EML6: variants seen among roughly 807,000 people sequenced by gnomAD.
EML6 encodes EMAP like 6, also known as echinoderm microtubule-associated protein-like 6.
In EML6, 154 loss-of-function variants were observed where a neutral mutation model predicts 240.1. The observed-to-expected ratio is 0.64, with a 90% CI of 0.56 to 0.73. The LOEUF (loss-of-function observed/expected upper bound fraction) is 0.73. Ranked by LOEUF, EML6 falls within the 30% of genes least tolerant of loss-of-function variation. EML6 has a pLI of 0.00. For missense variants in EML6, 2,964 were observed against 2,474.6 expected (o/e 1.20, Z -4.20); for synonymous variants, 1,148 against 899.0 (o/e 1.28, Z -4.95).
At chr2:54,747,527 T>C (rs768605846) in intron 2 of EML6, 1 of 152,248 alleles carries the variant, frequency 6.6e-6, no homozygotes, top group African/African-American at 2.4e-5. Context: ...CATTAACTTA[T>C]ATATTCTTTG....
At position 54,911,835 on chromosome 2, in the gene EML6, A is replaced by G. The variant is rs555552805; in HGVS notation, c.3498+793A>G. Reference sequence around the variant, plus strand: ...CATGTTTCCTCATGTCCTTAGCTACATACACGATTTTTTAGTTGCTGAAAT... The same window carrying G: ...CATGTTTCCTCATGTCCTTAGCTACGTACACGATTTTTTAGTTGCTGAAAT... On this transcript the variant is annotated intron_variant, in intron 25 of 41. Transcript: ENST00000356458. Among the ~76,000 whole-genome samples the G allele has an allele frequency of 8.0e-4, 122 of 152,344 alleles. 2 individuals carry two copies. The highest frequency in any genetic ancestry group is 2.9e-3 in the African/African-American group (120 of 41,576).
rs144724377 is a variant in EML6 at position 54,913,806 on chromosome 2, C to G, written c.3498+2764C>G. On this transcript the variant is annotated intron_variant, in intron 25 of 41. Transcript: ENST00000356458. ...ATAGTTTGAGGTCTTACATTTAAAT[C>G]TCTAATCCATCTTGAGTTAATTTTT... 2.8e-3 allele frequency among the ~76,000 whole-genome samples: 432 copies of G among 152,292 alleles called. 3 individuals are homozygous for G. The highest frequency in any genetic ancestry group is 9.7e-3 in the African/African-American group (402 of 41,568).
intron 2 of EML6, among the ~76,000 whole-genome samples, chr2:54,750,444 A>G (rs949701539): frequency 6.6e-6 from 1 of 152,182 alleles, no homozygotes. Flanking sequence ...CTTTCAGTTC[A>G]GGGTAACAGA....
intron 5 of EML6, among the ~76,000 whole-genome samples, chr2:54,821,192 G>A (rs1346612747): frequency 6.6e-6 from 1 of 152,062 alleles, no homozygotes; most frequent in African/African-American, 2.4e-5. Context: ...GTACAAAAAT[G>A]GTACATTTCT....
chr2:54,860,123 G>A (rs1670597827), intron 12 of EML6, among the ~76,000 whole-genome samples: 1 of 152,154 alleles, frequency 6.6e-6, no homozygotes, highest in Non-Finnish European at 1.5e-5. Context: ...ACTCTGGCAG[G>A]AACCCTACCC....
At chr2:54,914,350 T>G (rs1673797964) in intron 25 of EML6, among the ~76,000 whole-genome samples, 1 of 152,210 alleles carries the variant, frequency 6.6e-6, no homozygotes, top group Admixed American at 6.5e-5. Flanking sequence ...CCTGTGGATT[T>G]AAGTGTCATT....
intron 28 of EML6, among the ~76,000 whole-genome samples, chr2:54,930,892 C>T (rs1015079079): frequency 1.2e-4 from 18 of 151,844 alleles, no homozygotes; most frequent in African/African-American, 4.1e-4. Context: ...CAAGCAGACT[C>T]CACCAGTCCT....
At position 54,816,760 on chromosome 2, in the gene EML6, G is replaced by A. The variant is rs750917481; in HGVS notation, c.358-27G>A. On this transcript the variant is annotated intron_variant, in intron 3 of 41. Coordinates refer to ENST00000356458, the MANE Select transcript of EML6 (RefSeq NM_001039753.4). ...CAGTAAGTCTTCCCATCACTTTTAG[G>A]TACTAAATTATTGTTCTTATTCTTA... is the stretch of plus-strand genomic sequence containing the variant. 15 of 1,466,336 alleles carry A rather than the reference G, an allele frequency of 1.0e-5. No homozygotes were observed. In the South Asian group the frequency reaches 1.8e-4, roughly 18 times the overall value. The allele number at this position is 1,466,336 out of a possible 1,614,324, so 90.8% of individuals were successfully genotyped here.
Position 54,895,317 on chromosome 2 carries a change from G to A in EML6, c.2899G>A (p.Gly967Arg), listed in dbSNP as rs1183525407. ...CCCTTCAATTCGTGCCATCACTTTG[G>A]GACATGGACATATCCTGGTGGGAAC... ...DNPSIRAITLGHGHILVGTKN... is the reference protein window; with the variant it reads ...DNPSIRAITLRHGHILVGTKN... The change falls in exon 21 of 42, where the codon GGA becomes AGA. Residue 967 changes from glycine to arginine, a missense_variant. Physicochemically the swap from Gly to Arg is moderately radical, Grantham distance 125 (BLOSUM62 -2). Coordinates refer to ENST00000356458, the MANE Select transcript of EML6 (RefSeq NM_001039753.4). 1.3e-6 allele frequency: 2 copies of A among 1,551,846 alleles called. No homozygotes were observed. The highest frequency in any genetic ancestry group is 4.9e-5 in the East Asian group (2 of 40,924).
chr2:54,814,067 A>G (rs1469506600), intron 3 of EML6, among the ~76,000 whole-genome samples: 1 of 152,222 alleles, frequency 6.6e-6, no homozygotes, highest in African/African-American at 2.4e-5. Flanking sequence ...AACGGTGTGA[A>G]AGCATTGTTT....
At chr2:54,848,499 C>T (rs796813287) in intron 9 of EML6, among the ~76,000 whole-genome samples, 91 of 135,902 alleles carry the variant, frequency 6.7e-4, no homozygotes, top group African/African-American at 1.8e-3. Flanking sequence ...ATTTCTTTTT[C>T]GATGGACTTC....
intron 4 of EML6, among the ~76,000 whole-genome samples, chr2:54,818,661 T>C (rs1239991295): frequency 1.3e-5 from 2 of 152,218 alleles, no homozygotes; most frequent in Admixed American, 1.3e-4. Flanking sequence ...TCATGTGACT[T>C]GCCTGTATGT....
intron 2 of EML6, among the ~76,000 whole-genome samples, chr2:54,744,893 AACACACACACGTACACACACACAC>A (rs1264682089): frequency 7.5e-6 from 1 of 134,208 alleles, no homozygotes; most frequent in African/African-American, 2.7e-5. Context: ...TGTATAACAC[AACACACACACGTACACACACACAC>A]ACACACACAC....
chr2:54,930,942 A>G (rs1674821203), intron 28 of EML6, among the ~76,000 whole-genome samples: 1 of 144,796 alleles, frequency 6.9e-6, no homozygotes, highest in Non-Finnish European at 1.5e-5. Flanking sequence ...CAGAGATCAG[A>G]CCGTAGGCAT....
In EML6 at chr2:54,725,223, A is replaced by G. The variant is rs778584319; in HGVS notation, c.162A>G (p.Gln54=). The G allele has an allele frequency of 2.0e-6, 3 of 1,494,884 alleles. No individual in the cohort carries two copies. The highest frequency in any genetic ancestry group is 2.7e-6 in the Non-Finnish European group (3 of 1,117,986). The allele number at this position is 1,494,884 out of a possible 1,614,324, so 92.6% of individuals were successfully genotyped here. The change falls in exon 2 of 42, where the codon CAA becomes CAG. Residue 54 remains glutamine, a synonymous_variant. Coordinates refer to ENST00000356458, the MANE Select transcript of EML6 (RefSeq NM_001039753.4). This position sits in a 1 kb window ranked among gnomAD's most constrained non-coding sequence, Gnocchi z 4.3. ...GVVYNTREHS[Q]KFFLGHNDDI... is the part of the protein sequence containing the mutation. ...TTTACAACACCCGCGAGCACAGCCA[A>G]AAATTCTTCCTGGGACACAACGACG...
At chr2:54,937,707 A>C (rs1213199467) in intron 28 of EML6, among the ~76,000 whole-genome samples, 1 of 152,128 alleles carries the variant, frequency 6.6e-6, no homozygotes, top group Non-Finnish European at 1.5e-5. Context: ...CTGATTTGTT[A>C]GATTTTATCC....
At chr2:54,812,471 C>T (rs931373016) in intron 2 of EML6, among the ~76,000 whole-genome samples, 2 of 151,666 alleles carry the variant, frequency 1.3e-5, no homozygotes, top group Non-Finnish European at 2.9e-5. Flanking sequence ...TTCCCAACGT[C>T]TGTTTTTTAG....
chr2:54,788,092 C>T (rs1669184097), intron 2 of EML6, among the ~76,000 whole-genome samples: 1 of 152,170 alleles, frequency 6.6e-6, no homozygotes, highest in Non-Finnish European at 1.5e-5. Context: ...TTTCTTTAAA[C>T]TAGCCAACCA....
At chr2:54,938,990 T>A (rs1347088102) in intron 28 of EML6, among the ~76,000 whole-genome samples, 4 of 152,232 alleles carry the variant, frequency 2.6e-5, no homozygotes, top group Non-Finnish European at 5.9e-5. Flanking sequence ...GGTTGTCAAC[T>A]CTGTGAAAGC....
Sources: allele counts gnomAD v4.1 joint callset (sites outside exome capture counted in the v4.1 genomes callset), GRCh38; gene constraint gnomAD v4.1.1; non-coding constraint Gnocchi (gnomAD v3.1); transcripts MANE v1.5; gene names NCBI Gene and HGNC (gene_info 2026-07-23, HGNC 2026-07-21).